LCLAT1: variants seen among roughly 807,000 people sequenced by gnomAD.
The protein encoded by LCLAT1 is lysocardiolipin acyltransferase 1.
A neutral mutation model predicts 30.7 loss-of-function variants in LCLAT1; 11 were observed. The ratio of observed to expected loss-of-function variants is 0.36; its 90% CI spans 0.23 to 0.59. LCLAT1 has a LOEUF of 0.59. Ranked by LOEUF, LCLAT1 falls within the 20% of genes least tolerant of loss-of-function variation. The pLI, the probability that LCLAT1 is intolerant of heterozygous loss-of-function variation, is 0.77. For missense variants in LCLAT1, 402 were observed against 458.6 expected (o/e 0.88, Z 1.13); for synonymous variants, 155 against 151.3 (o/e 1.02, Z -0.18).
intron 5 of LCLAT1, among the ~76,000 whole-genome samples, chr2:30,610,629 C>CA (rs1667692228): frequency 6.6e-6 from 1 of 152,068 alleles, no homozygotes; most frequent in Non-Finnish European, 1.5e-5. Flanking sequence ...AAGAGTATCA[C>CA]AAGTGCTGTA....
chr2:30,537,542 A>ACACACG (rs1476893623), intron 3 of LCLAT1, among the ~76,000 whole-genome samples: 1 of 151,798 alleles, frequency 6.6e-6, no homozygotes, highest in East Asian at 1.9e-4. Context: ...ACACACACAC[A>ACACACG]CACGCACGCA....
chr2:30,583,357 G>A (rs1392558961), intron 5 of LCLAT1, among the ~76,000 whole-genome samples: 1 of 152,190 alleles, frequency 6.6e-6, no homozygotes. Context: ...TTTCATTAAA[G>A]TGCCATCCAA....
chr2:30,487,197 G>A (rs988586342), intron 1 of LCLAT1, among the ~76,000 whole-genome samples: 2 of 152,156 alleles, frequency 1.3e-5, no homozygotes, highest in African/African-American at 4.8e-5. Context: ...TATTTCCCAT[G>A]GTACCCAGCT....
At chr2:30,448,401 T>G (rs1681373308) in intron 1 of LCLAT1, among the ~76,000 whole-genome samples, 1 of 152,250 alleles carries the variant, frequency 6.6e-6, no homozygotes, top group South Asian at 2.1e-4. Flanking sequence ...CTTTTTCGTT[T>G]AGGTTTCTGT....
At chr2:30,561,970 T>TTA (rs1665245807) in intron 3 of LCLAT1, among the ~76,000 whole-genome samples, 176 bp from the exon 4 acceptor site, 1 of 152,230 alleles carries the variant, frequency 6.6e-6, no homozygotes, top group South Asian at 2.1e-4. Flanking sequence ...GGATATTCTC[T>TTA]TATATATATG....
At chr2:30,500,917 A>G (rs1227472478) in intron 1 of LCLAT1, among the ~76,000 whole-genome samples, 2 of 152,110 alleles carry the variant, frequency 1.3e-5, no homozygotes, top group Non-Finnish European at 2.9e-5. Context: ...GGCCTCACAG[A>G]TAGTATCAAG....
chr2:30,453,608 TG>T (rs901613503), intron 1 of LCLAT1, among the ~76,000 whole-genome samples: 2 of 152,206 alleles, frequency 1.3e-5, no homozygotes, highest in African/African-American at 4.8e-5. Context: ...AACTTGGTGA[TG>T]GGGACAGAGT....
chr2:30,604,108 T>A (rs1667315016), intron 5 of LCLAT1, among the ~76,000 whole-genome samples: 2 of 127,720 alleles, frequency 1.6e-5, no homozygotes, highest in Admixed American at 8.6e-5. Flanking sequence ...TGTCCCCAAG[T>A]GCCTTTAGAT....
intron 1 of LCLAT1, among the ~76,000 whole-genome samples, chr2:30,461,897 C>CA (rs1392020223): frequency 2.0e-5 from 3 of 150,556 alleles, no homozygotes; most frequent in Non-Finnish European, 4.4e-5. Context: ...CAGCCTCCCG[C>CA]GTAGCTGGGA....
At chr2:30,639,979 A>G in intron 5 of LCLAT1, 138 bp from the exon 6 acceptor site, 1 of 665,252 alleles carries the variant, frequency 1.5e-6, no homozygotes, top group Non-Finnish European at 2.6e-6. Context: ...GAACACCAGT[A>G]TCTCTAACCC....
intron 5 of LCLAT1, among the ~76,000 whole-genome samples, chr2:30,577,155 T>TAC (rs957992617): frequency 9.4e-5 from 14 of 149,492 alleles, no homozygotes; most frequent in African/African-American, 3.4e-4. Flanking sequence ...AGGCTCCCTA[T>TAC]ACATATCTGA....
At position 30,487,693 on chromosome 2, in the gene LCLAT1, T is replaced by C. The variant is rs1240617170; in HGVS notation, c.-4-37894T>C. On this transcript the variant is annotated intron_variant, in intron 1 of 5. Coordinates refer to ENST00000379509, the MANE Select transcript of LCLAT1 (RefSeq NM_001002257.3). ...TGGGGATGAGATGTGTTAGGTGGAG[T>C]TGAAGTGTGTTACATGATGCTGGTG... Among the ~76,000 whole-genome samples the C allele has an allele frequency of 3.3e-5, 5 of 152,130 alleles. No homozygotes were observed. The East Asian group carries it at 9.7e-4, about 29-fold the overall frequency.
At chr2:30,590,221 T>G (rs1415869594) in intron 5 of LCLAT1, among the ~76,000 whole-genome samples, 2 of 152,128 alleles carry the variant, frequency 1.3e-5, no homozygotes, top group Admixed American at 6.5e-5. Context: ...AGAACATTTG[T>G]GAGTGAAGAT....
Position 30,639,634 on chromosome 2 carries a change from CAT to C in LCLAT1, c.629-482_629-481del, listed in dbSNP as rs146304583. ...ATAAAAAAGTATATGGTAGTTTTCA[CAT>C]GTTTCTCACCACCTAAGTCTGATTT... On this transcript the variant is annotated intron_variant, in intron 5 of 5. Coordinates refer to ENST00000379509, the MANE Select transcript of LCLAT1 (RefSeq NM_001002257.3). 4.6e-3 allele frequency among the ~76,000 whole-genome samples: 698 copies of C among 152,258 alleles called. 7 individuals are homozygous for C. The highest frequency in any genetic ancestry group is 0.016 in the African/African-American group (661 of 41,548).
At chr2:30,515,727 A>G (rs541801984) in intron 1 of LCLAT1, among the ~76,000 whole-genome samples, 2 of 152,316 alleles carry the variant, frequency 1.3e-5, no homozygotes, top group South Asian at 4.1e-4. Flanking sequence ...TAAAAACAGT[A>G]TCAGTATTAT....
At chr2:30,515,755 C>A (rs555354424) in intron 1 of LCLAT1, among the ~76,000 whole-genome samples, 5 of 152,288 alleles carry the variant, frequency 3.3e-5, no homozygotes, top group African/African-American at 4.8e-5. Context: ...ATGCACAAAA[C>A]ATGATACTAA....
intron 1 of LCLAT1, among the ~76,000 whole-genome samples, chr2:30,477,850 CTG>C (rs1188363321): frequency 1.3e-5 from 2 of 152,146 alleles, no homozygotes; most frequent in Non-Finnish European, 2.9e-5. Context: ...CTACCTGACT[CTG>C]TGCCCGTTTT....
intron 5 of LCLAT1, among the ~76,000 whole-genome samples, chr2:30,570,109 CTT>C (rs973653870): frequency 5.3e-5 from 8 of 152,086 alleles, no homozygotes; most frequent in African/African-American, 1.7e-4. Context: ...ATAGAGCTCT[CTT>C]TTGAAATCTG....
At chr2:30,447,858 A>G (rs1018505586) in intron 1 of LCLAT1, among the ~76,000 whole-genome samples, 2 of 152,210 alleles carry the variant, frequency 1.3e-5, no homozygotes, top group African/African-American at 2.4e-5. Context: ...AGAGCCGTGG[A>G]GAGCAGGGGC....
Sources: gnomAD v4.1 joint callset for allele counts (sites outside exome capture counted in the v4.1 genomes callset) on GRCh38, gnomAD v4.1.1 for gene constraint, MANE v1.5 for transcripts, NCBI Gene and HGNC (gene_info 2026-07-23, HGNC 2026-07-21) for gene names.